The following SEMA3D variants were observed in gnomAD, a reference collection of about 807,000 sequenced individuals.
The protein encoded by SEMA3D is semaphorin 3D, also known as semaphorin-3D.
Under a neutral mutation model 100.1 loss-of-function variants are expected in SEMA3D, and 84 were observed. The observed-to-expected ratio is 0.84, with a 90% confidence interval of 0.70 to 1.01. The LOEUF is 1.01. Ranked by LOEUF, SEMA3D falls within the 50% of genes least tolerant of loss-of-function variation. The pLI, the probability that SEMA3D is intolerant of heterozygous loss-of-function variation, is 0.00. For missense variants in SEMA3D, 875 were observed against 934.1 expected (o/e 0.94, Z 0.82); for synonymous variants, 312 against 320.7 (o/e 0.97, Z 0.29).
At position 85,086,977 on chromosome 7, in the gene SEMA3D, T is replaced by A. The variant is rs1423945947; in HGVS notation, c.313-5398A>T. Among the ~76,000 whole-genome samples the A allele has an allele frequency of 2.0e-5, 3 of 152,292 alleles. No individual in the cohort carries two copies. The South Asian group carries it at 6.2e-4, about 32-fold the overall frequency. On this transcript the variant is annotated intron_variant, in intron 4 of 18. Transcript: ENST00000284136. ...CAGCCCTCAGGATCAATAGTTAATA[T>A]GAACAATTTTGAGACAGTGATTATT...
At chr7:85,158,443 G>A (rs558686486) in intron 1 of SEMA3D, among the ~76,000 whole-genome samples, 4 of 152,236 alleles carry the variant, frequency 2.6e-5, no homozygotes, top group East Asian at 1.9e-4. Context: ...TTATTAGGAC[G>A]AGGAAATTCC....
the SEMA3D span, among the ~76,000 whole-genome samples, chr7:85,246,582 C>CATAGTAGATA: frequency 6.6e-6 from 1 of 151,858 alleles, no homozygotes; most frequent in African/African-American, 2.4e-5. Flanking sequence ...GGAGATAAAT[C>CATAGTAGATA]ATAGTAGATA....
chr7:85,095,015 A>C (rs1258699393), intron 4 of SEMA3D, among the ~76,000 whole-genome samples: 1 of 151,712 alleles, frequency 6.6e-6, no homozygotes, highest in Non-Finnish European at 1.5e-5. Flanking sequence ...AGAAATAAAA[A>C]ACAACTCAGT....
the SEMA3D span, among the ~76,000 whole-genome samples, chr7:85,201,909 G>A: frequency 5.9e-5 from 9 of 151,734 alleles, no homozygotes; most frequent in Admixed American, 5.9e-4. Context: ...TTGTAGAGAA[G>A]GGGTCTCACT....
At chr7:85,073,421 CT>C (rs767372264) in intron 5 of SEMA3D, among the ~76,000 whole-genome samples, 30 of 145,300 alleles carry the variant, frequency 2.1e-4, no homozygotes, top group Admixed American at 2.1e-4. Flanking sequence ...AAAATTTTCT[CT>C]TTTTTTTTTT....
chr7:85,170,383 T>C (rs948356782), intron 1 of SEMA3D, among the ~76,000 whole-genome samples: 3 of 151,870 alleles, frequency 2.0e-5, no homozygotes, highest in East Asian at 1.9e-4. Context: ...CTTCTATGTA[T>C]GTGGAAAGAT....
At position 85,073,956 on chromosome 7, in the gene SEMA3D, A is replaced by C. The variant is rs577477703; in HGVS notation, c.376-875T>G. On this transcript the variant is annotated intron_variant, in intron 5 of 18. Coordinates refer to ENST00000284136, the MANE Select transcript of SEMA3D (RefSeq NM_001384900.1). The stretch of plus-strand genomic sequence containing the variant: ...AGAACTTAATTATTTCATATGCTTC[A>C]GATAGCAGTAAATAGTGGCTCTCTC... Among the ~76,000 whole-genome samples the C allele has an allele frequency of 3.3e-5, 5 of 152,320 alleles. No homozygotes were observed. In the East Asian group the frequency reaches 9.6e-4, roughly 29 times the overall value.
chr7:85,144,646 T>A (rs923557330), intron 2 of SEMA3D: 17 of 985,106 alleles, frequency 1.7e-5, no homozygotes, highest in Non-Finnish European at 2.0e-5. Flanking sequence ...GGAACTGGCC[T>A]GCAATATCCA....
chr7:85,083,795 C>G (rs62473402), intron 4 of SEMA3D, among the ~76,000 whole-genome samples: 60 of 122,432 alleles, frequency 4.9e-4, no homozygotes, highest in Middle Eastern at 0.014. Flanking sequence ...TGCAGTGAGC[C>G]GAGATCGCGC....
rs184356426 is a variant in SEMA3D at position 85,140,322 on chromosome 7, C to T, written c.-41+13286G>A. 678 of 981,844 alleles carry T rather than the reference C, an allele frequency of 6.9e-4. 6 individuals are homozygous for T. The African/African-American group carries it at 0.011, about 15-fold the overall frequency. 60.8% of individuals were successfully genotyped at this position (981,844 alleles called of 1,614,324 possible). On this transcript the variant is annotated intron_variant, in intron 2 of 18. Transcript: ENST00000284136. ...TTGATTGTGACAGAGTGAAAATGCACGGCATTAGAAATCATATAAGTTAAG... is the reference window on the plus strand; with the variant it reads ...TTGATTGTGACAGAGTGAAAATGCATGGCATTAGAAATCATATAAGTTAAG...
intron 2 of SEMA3D, among the ~76,000 whole-genome samples, chr7:85,137,820 T>C (rs1032480577): frequency 1.3e-5 from 2 of 152,184 alleles, no homozygotes; most frequent in African/African-American, 2.4e-5. Flanking sequence ...AATGAACACA[T>C]CCCATCTAAA....
intron 1 of SEMA3D, chr7:85,157,740 C>A: frequency 2.0e-6 from 1 of 493,582 alleles, no homozygotes; most frequent in Non-Finnish European, 2.6e-6. Context: ...CAACAACACC[C>A]AACAGTCTTC....
At chr7:85,195,385 T>C in the SEMA3D span, among the ~76,000 whole-genome samples, 3 of 152,142 alleles carry the variant, frequency 2.0e-5, no homozygotes, top group African/African-American at 7.2e-5. Flanking sequence ...TTGCCAAACA[T>C]TGGGAAACTG....
chr7:85,065,157 T>C (rs578235825), intron 8 of SEMA3D, among the ~76,000 whole-genome samples: 2 of 152,314 alleles, frequency 1.3e-5, no homozygotes, highest in East Asian at 1.9e-4. Flanking sequence ...AATAATGATA[T>C]ATCCCAGATG....
intron 13 of SEMA3D, among the ~76,000 whole-genome samples, chr7:85,021,787 CT>C (rs1029592272): frequency 6.6e-6 from 1 of 151,602 alleles, no homozygotes; most frequent in Non-Finnish European, 1.5e-5. Context: ...AATACTTTTA[CT>C]TTTTTTGAGA....
At chr7:85,244,413 T>C in the SEMA3D span, among the ~76,000 whole-genome samples, 63,001 of 151,982 alleles carry the variant, frequency 0.41, 13,739 homozygotes, top group Non-Finnish European at 0.48. Context: ...AGTCAAATCT[T>C]AATATGATTT....
rs1184618629 is a variant in SEMA3D at position 85,097,885 on chromosome 7, C to G, written c.232G>C (p.Glu78Gln). 1 of 1,609,368 alleles carries G rather than the reference C, an allele frequency of 6.2e-7. No individual in the cohort carries two copies. Among genetic ancestry groups the G allele is most frequent in the Non-Finnish European group, 8.5e-7 (1 of 1,176,852 alleles). ...GCTCCCAAGAGCAGCCTGCCTCTTT[C>G]CTCATCTAAGAGAAGAGTTTGAAAA... ...LDFQTLLLDE[E>Q]RGRLLLGAKD... Residue 78 changes from glutamate (E) to glutamine (Q), a missense_variant, in exon 4 of 19, where the codon GAA becomes CAA. Transcript: ENST00000284136.
At chr7:85,154,391 G>A (rs562037110) in intron 1 of SEMA3D, among the ~76,000 whole-genome samples, 3 of 152,008 alleles carry the variant, frequency 2.0e-5, no homozygotes, top group Non-Finnish European at 2.9e-5. Flanking sequence ...ATGTTCCCAT[G>A]GAAGGGAGCC....
chr7:85,145,008 C>T lies in SEMA3D; in HGVS notation c.-41+8600G>A, dbSNP rs191281442. ...TTTAATTTTATTTGTTTATAAAGCA[C>T]GGAGGAAAAATAAAATACTTGAAAC... On this transcript the variant is annotated intron_variant, in intron 2 of 18. Coordinates refer to ENST00000284136, the MANE Select transcript of SEMA3D (RefSeq NM_001384900.1). Among the ~76,000 whole-genome samples the T allele has an allele frequency of 2.4e-4, 37 of 151,970 alleles. No homozygotes were observed. The East Asian group carries it at 3.5e-3, about 14-fold the overall frequency.
Sources: gnomAD v4.1 joint callset for allele counts (sites outside exome capture counted in the v4.1 genomes callset) on GRCh38, gnomAD v4.1.1 for gene constraint, MANE v1.5 for transcripts, NCBI Gene and HGNC (gene_info 2026-07-23, HGNC 2026-07-21) for gene names.